DMD: variants seen among roughly 807,000 people sequenced by gnomAD.
DMD encodes mutant dystrophin.
A neutral mutation model predicts 330.1 loss-of-function variants in DMD; 63 were observed. That is an observed-to-expected ratio of 0.19 (90% CI 0.16 to 0.24). The LOEUF (loss-of-function observed/expected upper bound fraction) is 0.24, where lower values mean the gene tolerates loss of function less well. DMD is among the 10% of genes least tolerant of loss of function. The probability of loss-of-function intolerance (pLI) is 1.00; values close to 1 mark genes in which losing one functional copy is unlikely to be tolerated. For missense variants in DMD, 3,344 were observed against 2,684.1 expected, an observed-to-expected ratio of 1.25 and a Z score of -5.43; for synonymous variants, 1,223 against 959.8, an observed-to-expected ratio of 1.27 and a Z score of -5.07.
At chrX:33,190,077 A>G (rs1185344159) in intron 1 of DMD, among the ~76,000 whole-genome samples, 2 of 111,918 alleles carry the variant, frequency 1.8e-5, no homozygotes, top group Non-Finnish European at 3.8e-5. Flanking sequence ...GTTATAATTT[A>G]TCTTCTCTGT....
intron 2 of DMD, among the ~76,000 whole-genome samples, chrX:32,926,049 A>C (rs1487543019): frequency 8.9e-6 from 1 of 112,307 alleles, no homozygotes; most frequent in African/African-American, 3.2e-5. Context: ...TTCAACCTAA[A>C]TGTCCATCAA....
chrX:31,776,450 G>T (rs16989821), intron 50 of DMD, among the ~76,000 whole-genome samples: 21 of 107,967 alleles, frequency 1.9e-4, no homozygotes, highest in African/African-American at 3.4e-5. Flanking sequence ...CTAATGAGGT[G>T]GAAATGATCA....
intron 63 of DMD, among the ~76,000 whole-genome samples, chrX:31,260,274 A>G (rs376690023): frequency 8.9e-6 from 1 of 111,856 alleles, no homozygotes; most frequent in Admixed American, 9.5e-5. Flanking sequence ...GCAACTTAAG[A>G]TAACTCATTT....
intron 44 of DMD, among the ~76,000 whole-genome samples, chrX:32,164,238 A>G (rs12557309): frequency 0.15 from 16,379 of 111,152 alleles, 1,091 homozygotes; most frequent in Admixed American, 0.25. Context: ...CAACTTTAGA[A>G]CTGGGTAATA....
At chrX:33,335,701 A>T (rs188206351) in intron 1 of DMD, among the ~76,000 whole-genome samples, 1 of 110,962 alleles carries the variant, frequency 9.0e-6, no homozygotes, top group Non-Finnish European at 1.9e-5. Context: ...AGGTTCAAGA[A>T]CAGAGACATA....
chrX:33,281,205 A>G (rs2053325065), intron 1 of DMD, among the ~76,000 whole-genome samples: 1 of 87,464 alleles, frequency 1.1e-5, no homozygotes, highest in African/African-American at 4.2e-5. Context: ...CATAAATGCT[A>G]TTGCATTTTT....
intron 7 of DMD, among the ~76,000 whole-genome samples, chrX:32,724,724 G>A (rs1158893015): frequency 9.0e-6 from 1 of 111,507 alleles, no homozygotes; most frequent in Non-Finnish European, 1.9e-5. Flanking sequence ...AACTTTATTA[G>A]CTCTTCTCTT....
chrX:31,651,583 C>A (rs982324020), intron 54 of DMD, among the ~76,000 whole-genome samples: 1 of 111,359 alleles, frequency 9.0e-6, no homozygotes, highest in Non-Finnish European at 1.9e-5. Context: ...TCAAATGTAA[C>A]ATATCCACAT....
At chrX:32,769,068 A>T (rs140538780) in intron 7 of DMD, among the ~76,000 whole-genome samples, 300 of 112,201 alleles carry the variant, frequency 2.7e-3, no homozygotes, top group African/African-American at 8.7e-3. Flanking sequence ...AAAACAAAAA[A>T]CATCATCATC....
chrX:32,499,410 T>A (rs375539779), intron 19 of DMD, among the ~76,000 whole-genome samples: 2 of 111,589 alleles, frequency 1.8e-5, no homozygotes, highest in Non-Finnish European at 1.9e-5. Flanking sequence ...TTTTTATTAG[T>A]GGCATAATAA....
chrX:33,244,012 T>C (rs1460348081), intron 1 of DMD, among the ~76,000 whole-genome samples: 3 of 112,140 alleles, frequency 2.7e-5, no homozygotes, highest in Non-Finnish European at 5.6e-5. Flanking sequence ...AATAACATTT[T>C]TAAAAATAAA....
chrX:33,163,618 C>CTCTATCTATCTA (rs74647711), intron 1 of DMD, among the ~76,000 whole-genome samples: 456 of 24,839 alleles, frequency 0.018, 3 homozygotes, highest in Non-Finnish European at 0.021. Context: ...CTATATCTAT[C>CTCTATCTATCTA]TCTATCTATC....
At chrX:33,040,633 C>A (rs5927133) in intron 1 of DMD, among the ~76,000 whole-genome samples, 92 of 110,999 alleles carry the variant, frequency 8.3e-4, no homozygotes, top group Non-Finnish European at 1.5e-3. Context: ...GCAACAACAA[C>A]CCCCGCCCCT....
chrX:32,790,903 T>C (rs2075768843), intron 7 of DMD, among the ~76,000 whole-genome samples: 1 of 111,209 alleles, frequency 9.0e-6, no homozygotes, highest in African/African-American at 3.3e-5. Flanking sequence ...GGGGAGCACC[T>C]TGCCCCTCGA....
chrX:32,304,345 G>A (rs1020304813), intron 42 of DMD, among the ~76,000 whole-genome samples: 7 of 111,046 alleles, frequency 6.3e-5, no homozygotes, highest in African/African-American at 2.0e-4. Flanking sequence ...GTAGGAGTGC[G>A]TTCTTAAAGT....
intron 47 of DMD, among the ~76,000 whole-genome samples, chrX:31,890,784 A>G (rs1043040976): frequency 8.1e-5 from 9 of 111,775 alleles, no homozygotes; most frequent in Non-Finnish European, 1.5e-4. Context: ...CTCATTCTCT[A>G]AAAAACAAAA....
At chrX:32,965,017 G>T (rs917845582) in intron 2 of DMD, among the ~76,000 whole-genome samples, 2 of 111,301 alleles carry the variant, frequency 1.8e-5, no homozygotes, top group Non-Finnish European at 3.8e-5. Flanking sequence ...AATATCATGT[G>T]GATGTAATCA....
intron 43 of DMD, among the ~76,000 whole-genome samples, chrX:32,225,330 AGTG>A (rs2147928955): frequency 8.9e-6 from 1 of 111,894 alleles, no homozygotes; most frequent in South Asian, 3.7e-4. Context: ...TACAAAAACA[AGTG>A]GTGGGTGTAA....
At chrX:32,366,021 CA>C (rs1339507909) in intron 34 of DMD, among the ~76,000 whole-genome samples, 1 of 111,895 alleles carries the variant, frequency 8.9e-6, no homozygotes, top group Admixed American at 9.5e-5. Flanking sequence ...AGTTTTCCCC[CA>C]ATCCAAGTTC....
Sources: allele counts gnomAD v4.1 joint callset (sites outside exome capture counted in the v4.1 genomes callset), GRCh38; gene constraint gnomAD v4.1.1; transcripts MANE v1.5; gene names NCBI Gene and HGNC (gene_info 2026-07-23, HGNC 2026-07-21).